KCNH7: variants seen among roughly 807,000 people sequenced by gnomAD.
The protein encoded by KCNH7 is voltage-gated inwardly rectifying potassium channel KCNH7.
Under a neutral mutation model 120.8 loss-of-function variants are expected in KCNH7, and 49 were observed. That is an observed-to-expected ratio of 0.41 (90% CI 0.32 to 0.51). KCNH7 has a LOEUF of 0.51. Among genes scored for constraint, KCNH7 ranks in the 20% least tolerant of loss-of-function variants. The probability of loss-of-function intolerance (pLI) is 0.38; values close to 1 mark genes in which losing one functional copy is unlikely to be tolerated. For missense variants in KCNH7, 1,097 were observed against 1,446.6 expected, an observed-to-expected ratio of 0.76 and a Z score of 3.92; for synonymous variants, 547 against 516.1, an observed-to-expected ratio of 1.06 and a Z score of -0.81.
intron 2 of KCNH7, among the ~76,000 whole-genome samples, chr2:162,798,599 A>G (rs930751856): frequency 3.9e-5 from 6 of 152,008 alleles, no homozygotes; most frequent in Admixed American, 2.6e-4. Context: ...GCTCAAATCA[A>G]TATAGTCAGC....
chr2:162,468,101 C>T (rs906313254), intron 6 of KCNH7, among the ~76,000 whole-genome samples: 10 of 151,838 alleles, frequency 6.6e-5, no homozygotes, highest in Non-Finnish European at 2.9e-5. Context: ...TTTTTAATGC[C>T]CACTTCTCTT....
At chr2:162,442,192 A>C (rs1164062778) in intron 7 of KCNH7, among the ~76,000 whole-genome samples, 4 of 150,298 alleles carry the variant, frequency 2.7e-5, no homozygotes, top group Admixed American at 6.6e-5. Context: ...CGCCCAGCTA[A>C]TTTTTTTGTA....
chr2:162,620,594 A>T (rs1361401359), intron 2 of KCNH7, among the ~76,000 whole-genome samples: 1 of 152,064 alleles, frequency 6.6e-6, no homozygotes, highest in Non-Finnish European at 1.5e-5. Context: ...TACAACTTAG[A>T]TCTACATAGT....
chr2:162,703,971 T>C (rs1405564303), intron 2 of KCNH7, among the ~76,000 whole-genome samples: 1 of 152,046 alleles, frequency 6.6e-6, no homozygotes, highest in African/African-American at 2.4e-5. Flanking sequence ...AGAAGAACAA[T>C]ATAAAACTTT....
intron 2 of KCNH7, among the ~76,000 whole-genome samples, chr2:162,808,269 T>A (rs1684618121): frequency 6.6e-6 from 1 of 152,190 alleles, no homozygotes; most frequent in African/African-American, 2.4e-5. Context: ...GATCCATAGT[T>A]AGTTGACTCT....
At chr2:162,506,878 T>C (rs1316122064) in intron 5 of KCNH7, among the ~76,000 whole-genome samples, 4 of 151,842 alleles carry the variant, frequency 2.6e-5, no homozygotes, top group African/African-American at 4.8e-5. Flanking sequence ...CATTTTTTGT[T>C]GTCACAATTA....
intron 2 of KCNH7, among the ~76,000 whole-genome samples, chr2:162,661,743 G>A (rs142460134): frequency 4.6e-5 from 7 of 152,158 alleles, no homozygotes; most frequent in East Asian, 3.9e-4. Context: ...GTAATATTGA[G>A]AAGGAGATAC....
intron 6 of KCNH7, among the ~76,000 whole-genome samples, chr2:162,485,862 A>G (rs939739575): frequency 1.2e-4 from 18 of 152,230 alleles, no homozygotes; most frequent in African/African-American, 4.3e-4. Context: ...CAACCAGGAA[A>G]GAGCAGTATA....
chr2:162,808,919 A>G (rs1195681532), intron 2 of KCNH7, among the ~76,000 whole-genome samples: 1 of 152,166 alleles, frequency 6.6e-6, no homozygotes, highest in East Asian at 1.9e-4. Flanking sequence ...TGTTAGCACT[A>G]ACTTGTACAG....
intron 2 of KCNH7, among the ~76,000 whole-genome samples, chr2:162,741,764 T>C (rs1249223411): frequency 6.6e-6 from 1 of 152,184 alleles, no homozygotes; most frequent in African/African-American, 2.4e-5. Flanking sequence ...GGCACTTTCC[T>C]ACATCATTAG....
At chr2:162,452,664 A>G (rs1249948511) in intron 6 of KCNH7, among the ~76,000 whole-genome samples, 1 of 152,044 alleles carries the variant, frequency 6.6e-6, no homozygotes, top group African/African-American at 2.4e-5. Context: ...ATTAAGTTAG[A>G]TTAAAATACA....
intron 10 of KCNH7, among the ~76,000 whole-genome samples, chr2:162,398,633 G>GC (rs1665601740): frequency 6.6e-6 from 1 of 151,826 alleles, no homozygotes; most frequent in South Asian, 2.1e-4. Flanking sequence ...CTGTAAATGA[G>GC]CCAGGAGCAA....
chr2:162,753,032 C>CGAAACGAAACGAAA (rs1688657434), intron 2 of KCNH7, among the ~76,000 whole-genome samples: 3 of 15,376 alleles, frequency 2.0e-4, no homozygotes, highest in Non-Finnish European at 8.2e-4. Flanking sequence ...AGAAAAGAAA[C>CGAAACGAAACGAAA]CCTGACTAAT....
At chr2:162,780,759 G>A (rs1451201371) in intron 2 of KCNH7, among the ~76,000 whole-genome samples, 1 of 152,108 alleles carries the variant, frequency 6.6e-6, no homozygotes, top group Non-Finnish European at 1.5e-5. Context: ...AGGATAGAAT[G>A]TACTTATAAG....
intron 6 of KCNH7, among the ~76,000 whole-genome samples, chr2:162,453,835 CT>C (rs749695081): frequency 1.1e-4 from 16 of 151,972 alleles, no homozygotes; most frequent in Non-Finnish European, 2.2e-4. Context: ...TTTTAAGTTC[CT>C]TGTAGATTCT....
At chr2:162,652,056 G>A (rs1345142816) in intron 2 of KCNH7, among the ~76,000 whole-genome samples, 1 of 151,878 alleles carries the variant, frequency 6.6e-6, no homozygotes, top group Non-Finnish European at 1.5e-5. Flanking sequence ...TTATTCTTCT[G>A]TAAATTTGTA....
At chr2:162,816,335 T>C (rs1684918455) in intron 2 of KCNH7, among the ~76,000 whole-genome samples, 1 of 151,970 alleles carries the variant, frequency 6.6e-6, no homozygotes, top group South Asian at 2.1e-4. Context: ...CAGTTTCCTT[T>C]CTTCACTGAC....
chr2:162,431,347 G>T (rs1239422775), intron 8 of KCNH7, among the ~76,000 whole-genome samples: 1 of 151,588 alleles, frequency 6.6e-6, no homozygotes, highest in Non-Finnish European at 1.5e-5. Flanking sequence ...TTTTTTTCAG[G>T]CTAAAATAAG....
intron 2 of KCNH7, among the ~76,000 whole-genome samples, chr2:162,821,379 G>T (rs1387286419): frequency 1.3e-5 from 2 of 152,146 alleles, no homozygotes; most frequent in African/African-American, 4.8e-5. Flanking sequence ...AGGTCAGAAG[G>T]TGCCATTTAT....
Sources: gnomAD v4.1 joint callset for allele counts (sites outside exome capture counted in the v4.1 genomes callset) on GRCh38, gnomAD v4.1.1 for gene constraint, MANE v1.5 for transcripts, NCBI Gene and HGNC (gene_info 2026-07-23, HGNC 2026-07-21) for gene names.